The following CDH18 variants were observed in gnomAD, a reference collection of about 807,000 sequenced individuals.
The protein encoded by CDH18 is cadherin 18.
Under a neutral mutation model 67.9 loss-of-function variants are expected in CDH18, and 31 were observed. The observed-to-expected ratio is 0.46, with a 90% confidence interval of 0.34 to 0.62. CDH18 has a LOEUF of 0.62. CDH18 is among the 20% of genes least tolerant of loss of function. The pLI is 0.01. For missense variants in CDH18, 890 were observed against 975.5 expected, an observed-to-expected ratio of 0.91 and a Z score of 1.17; for synonymous variants, 362 against 347.2, an observed-to-expected ratio of 1.04 and a Z score of -0.48.
intron 5 of CDH18, among the ~76,000 whole-genome samples, chr5:19,633,597 T>G (rs969317168): frequency 7.2e-5 from 11 of 152,094 alleles, no homozygotes; most frequent in Admixed American, 3.9e-4. Flanking sequence ...TTTAAATTAC[T>G]TTTCTGGCTA....
chr5:20,311,728 A>G (rs888101719), intron 1 of CDH18, among the ~76,000 whole-genome samples: 1 of 152,108 alleles, frequency 6.6e-6, no homozygotes, highest in Non-Finnish European at 1.5e-5. Context: ...AACCATCATG[A>G]CACGTGTATA....
intron 5 of CDH18, among the ~76,000 whole-genome samples, chr5:19,704,693 A>G (rs1272419749): frequency 1.3e-5 from 2 of 152,196 alleles, no homozygotes; most frequent in Non-Finnish European, 2.9e-5. Flanking sequence ...ATTGGTCACT[A>G]AGTAAAGAGA....
chr5:19,508,154 T>A (rs1454940776), intron 10 of CDH18, among the ~76,000 whole-genome samples: 1 of 152,126 alleles, frequency 6.6e-6, no homozygotes, highest in Admixed American at 6.6e-5. Flanking sequence ...GCATATTCAA[T>A]ATTTCTGTTT....
intron 5 of CDH18, among the ~76,000 whole-genome samples, chr5:19,652,181 A>G (rs1755675635): frequency 6.6e-6 from 1 of 151,956 alleles, no homozygotes; most frequent in Non-Finnish European, 1.5e-5. Context: ...AATGATTAAA[A>G]TGTGATATTC....
chr5:19,603,003 A>G (rs932075789), intron 6 of CDH18, among the ~76,000 whole-genome samples: 52 of 151,988 alleles, frequency 3.4e-4, no homozygotes, highest in African/African-American at 1.1e-3. Flanking sequence ...AAATTACCAT[A>G]TGATCTAGCA....
At chr5:19,626,570 A>G (rs906413653) in intron 5 of CDH18, among the ~76,000 whole-genome samples, 1 of 152,038 alleles carries the variant, frequency 6.6e-6, no homozygotes, top group Non-Finnish European at 1.5e-5. Context: ...TTATTCTGAG[A>G]ACTATAAACA....
intron 2 of CDH18, chr5:20,158,701 G>T: frequency 5.9e-6 from 1 of 170,138 alleles, no homozygotes. Context: ...TTTGCCAGAT[G>T]TCCTTCAATA....
chr5:20,365,008 G>C (rs1742393845), intron 1 of CDH18, among the ~76,000 whole-genome samples: 1 of 152,200 alleles, frequency 6.6e-6, no homozygotes, highest in African/African-American at 2.4e-5. Context: ...GTATTCAGTA[G>C]TATCTGCAGT....
At chr5:19,486,939 A>T (rs555079818) in intron 11 of CDH18, among the ~76,000 whole-genome samples, 2 of 152,214 alleles carry the variant, frequency 1.3e-5, no homozygotes, top group Non-Finnish European at 2.9e-5. Context: ...GTCAATGTCA[A>T]TCTCTAATAA....
At chr5:19,994,354 T>C (rs1800164988) in intron 2 of CDH18, among the ~76,000 whole-genome samples, 1 of 151,380 alleles carries the variant, frequency 6.6e-6, no homozygotes, top group African/African-American at 2.4e-5. Flanking sequence ...TCTATCCCCT[T>C]AGTTCGATTT....
intron 5 of CDH18, among the ~76,000 whole-genome samples, chr5:19,699,168 G>A (rs1415921087): frequency 6.6e-6 from 1 of 151,964 alleles, no homozygotes; most frequent in African/African-American, 2.4e-5. Flanking sequence ...ACACATACAA[G>A]CACAGGCATA....
intron 5 of CDH18, among the ~76,000 whole-genome samples, chr5:19,645,524 T>C (rs190844302): frequency 6.6e-6 from 1 of 152,260 alleles, no homozygotes; most frequent in African/African-American, 2.4e-5. Flanking sequence ...CATTGGGTGG[T>C]TCGTGGTAGT....
At chr5:19,690,916 A>T (rs1227701669) in intron 5 of CDH18, among the ~76,000 whole-genome samples, 2 of 151,848 alleles carry the variant, frequency 1.3e-5, no homozygotes, top group African/African-American at 4.8e-5. Flanking sequence ...TCTTCCTAAC[A>T]CATTATATGA....
chr5:19,529,992 C>T (rs144695421), intron 9 of CDH18, among the ~76,000 whole-genome samples: 178 of 152,076 alleles, frequency 1.2e-3, no homozygotes, highest in Non-Finnish European at 2.0e-3. Flanking sequence ...CAAACAATTT[C>T]AAAAAGGAGG....
intron 5 of CDH18, among the ~76,000 whole-genome samples, chr5:19,654,847 T>C (rs10059843): frequency 0.044 from 6,622 of 152,190 alleles, 456 homozygotes; most frequent in African/African-American, 0.15. Context: ...CCCCTGGAGT[T>C]TGACCATCTC....
chr5:19,922,920 T>C (rs1411860344), intron 2 of CDH18, among the ~76,000 whole-genome samples: 1 of 152,090 alleles, frequency 6.6e-6, no homozygotes, highest in Non-Finnish European at 1.5e-5. Context: ...ATATATTCGT[T>C]TAATATCTCC....
chr5:19,489,007 C>G (rs187960464), intron 11 of CDH18, among the ~76,000 whole-genome samples: 52 of 152,102 alleles, frequency 3.4e-4, no homozygotes, highest in Non-Finnish European at 6.8e-4. Context: ...CTGATCTGCA[C>G]CCTGGAATGT....
intron 5 of CDH18, among the ~76,000 whole-genome samples, chr5:19,625,757 A>G (rs752959245): frequency 9.2e-5 from 14 of 152,028 alleles, no homozygotes; most frequent in Non-Finnish European, 1.6e-4. Context: ...CAAAACTCCA[A>G]CTGGCCTGTG....
intron 11 of CDH18, among the ~76,000 whole-genome samples, chr5:19,492,755 C>G (rs1186524537): frequency 1.3e-5 from 2 of 151,848 alleles, no homozygotes; most frequent in Non-Finnish European, 2.9e-5. Flanking sequence ...AAAAGAAAAA[C>G]CCTTCACTTG....
Sources: allele counts gnomAD v4.1 joint callset (sites outside exome capture counted in the v4.1 genomes callset), GRCh38; gene constraint gnomAD v4.1.1; transcripts MANE v1.5; gene names NCBI Gene and HGNC (gene_info 2026-07-23, HGNC 2026-07-21).